Variants in RIT2 observed in about 807,000 individuals in gnomAD.
RIT2 encodes Ras like without CAAX 2.
In RIT2, 24 loss-of-function variants were observed where a neutral mutation model predicts 23.7. The observed-to-expected ratio is 1.01, with a 90% confidence interval of 0.73 to 1.43. The LOEUF (loss-of-function observed/expected upper bound fraction) is 1.43. Ranked by LOEUF, RIT2 falls within the 40% of genes most tolerant of loss-of-function variation. The pLI, the probability that RIT2 is intolerant of heterozygous loss-of-function variation, is 0.00. For missense variants in RIT2, 236 were observed against 266.9 expected (o/e 0.88, Z 0.81); for synonymous variants, 107 against 91.1 (o/e 1.17, Z -0.99).
chr18:43,015,835 A>G (rs754144637), intron 2 of RIT2, among the ~76,000 whole-genome samples: 1 of 151,794 alleles, frequency 6.6e-6, no homozygotes, highest in Non-Finnish European at 1.5e-5. Context: ...TTAGAAGTAG[A>G]GTAAAACATT....
At chr18:43,024,448 T>A (rs1598751521) in intron 2 of RIT2, among the ~76,000 whole-genome samples, 1 of 152,098 alleles carries the variant, frequency 6.6e-6, no homozygotes, top group Non-Finnish European at 1.5e-5. Flanking sequence ...AAAAATATAT[T>A]TTTTAAAAAA....
At chr18:43,093,298 T>C (rs1024986670) in intron 1 of RIT2, among the ~76,000 whole-genome samples, 7 of 152,154 alleles carry the variant, frequency 4.6e-5, no homozygotes, top group African/African-American at 1.7e-4. Context: ...CCTGAGTCTA[T>C]TGGAGTGGGC....
rs147033562 is a variant in RIT2, at chr18:42,859,066, T to C, written c.426+64506A>G. Among the ~76,000 whole-genome samples, 85 of 152,350 alleles carry C rather than the reference T, an allele frequency of 5.6e-4. 1 individual carries two copies. The highest frequency in any genetic ancestry group is 2.0e-3 in the Admixed American group (31 of 15,302). ...TATGGTTTTATTTCTTTTGGGTGTATACTTTTGAGTGGAACTGACAAGTCA... is the reference window on the plus strand; with the variant it reads ...TATGGTTTTATTTCTTTTGGGTGTACACTTTTGAGTGGAACTGACAAGTCA... On this transcript the variant is annotated intron_variant, in intron 4 of 4. Transcript: ENST00000326695.
intron 4 of RIT2, among the ~76,000 whole-genome samples, chr18:42,888,705 T>C (rs1908093913): frequency 6.6e-6 from 1 of 151,920 alleles, no homozygotes; most frequent in African/African-American, 2.4e-5. Context: ...GCAGTACATA[T>C]ACACCATGGA....
At chr18:42,882,308 T>C (rs1398139002) in intron 4 of RIT2, among the ~76,000 whole-genome samples, 2 of 152,202 alleles carry the variant, frequency 1.3e-5, no homozygotes, top group Admixed American at 6.5e-5. Flanking sequence ...GTCTGGATCT[T>C]AGACTGCGTC....
intron 3 of RIT2, among the ~76,000 whole-genome samples, chr18:42,953,278 C>CT (rs1173680536): frequency 6.6e-6 from 1 of 152,076 alleles, no homozygotes; most frequent in Non-Finnish European, 1.5e-5. Context: ...TTAAAATATA[C>CT]TTTTAAAATT....
chr18:42,902,541 T>A (rs1337498447), intron 4 of RIT2, among the ~76,000 whole-genome samples: 1 of 151,484 alleles, frequency 6.6e-6, no homozygotes, highest in African/African-American at 2.4e-5. Context: ...TATTGTTTAA[T>A]CAAGTATTTC....
Position 43,048,808 on chromosome 18 carries a change from A to G in RIT2, c.104-14941T>C, listed in dbSNP as rs116373576. The stretch of plus-strand genomic sequence containing the variant: ...TTGTCCCATCTGTTTGAAATATTAC[A>G]TTTCAATCAACTGGTGTTTCGCTTT... On this transcript the variant is annotated intron_variant, in intron 1 of 4. Transcript: ENST00000326695. 9.0e-3 allele frequency among the ~76,000 whole-genome samples: 1,365 copies of G among 152,186 alleles called. 17 individuals are homozygous for G. The highest frequency in any genetic ancestry group is 0.031 in the African/African-American group (1,289 of 41,522).
intron 2 of RIT2, among the ~76,000 whole-genome samples, chr18:42,994,367 T>C (rs1052387305): frequency 5.9e-5 from 9 of 152,142 alleles, no homozygotes; most frequent in Non-Finnish European, 2.9e-5. Flanking sequence ...CCGACTGATC[T>C]CTCAAACGTC....
intron 1 of RIT2, among the ~76,000 whole-genome samples, chr18:43,072,714 C>A (rs993277276): frequency 6.6e-6 from 1 of 152,148 alleles, no homozygotes; most frequent in Non-Finnish European, 1.5e-5. Flanking sequence ...CTCTGCATTT[C>A]ATCTGCCTGT....
At chr18:43,028,836 T>C (rs1414409096) in intron 2 of RIT2, among the ~76,000 whole-genome samples, 1 of 152,096 alleles carries the variant, frequency 6.6e-6, no homozygotes, top group African/African-American at 2.4e-5. Context: ...AGGAATTTTC[T>C]AGTGACACAA....
At chr18:42,898,559 G>A (rs1328491793) in intron 4 of RIT2, among the ~76,000 whole-genome samples, 3 of 152,114 alleles carry the variant, frequency 2.0e-5, no homozygotes, top group African/African-American at 7.2e-5. Flanking sequence ...AGATAACTTT[G>A]AGTGACAAGC....
intron 3 of RIT2, among the ~76,000 whole-genome samples, chr18:42,954,385 A>C (rs1243995910): frequency 6.6e-6 from 1 of 151,976 alleles, no homozygotes; most frequent in Non-Finnish European, 1.5e-5. Flanking sequence ...AAAAAAAAAA[A>C]AAAAAAAAAC....
At chr18:42,941,599 C>T (rs1350767129) in intron 3 of RIT2, among the ~76,000 whole-genome samples, 1 of 152,058 alleles carries the variant, frequency 6.6e-6, no homozygotes, top group African/African-American at 2.4e-5. Context: ...CCCTACTCCC[C>T]TTATTAAGCA....
chr18:42,887,641 C>T (rs531970523), intron 4 of RIT2, among the ~76,000 whole-genome samples: 9 of 152,098 alleles, frequency 5.9e-5, no homozygotes, highest in Non-Finnish European at 1.0e-4. Flanking sequence ...GTCATGCAAC[C>T]CAGCAATCAA....
chr18:42,838,221 A>G (rs1306832270), intron 4 of RIT2, among the ~76,000 whole-genome samples: 1 of 152,036 alleles, frequency 6.6e-6, no homozygotes, highest in African/African-American at 2.4e-5. Flanking sequence ...TTTTCTTTAT[A>G]TAACTGCATA....
chr18:42,934,550 T>A (rs1321922955), intron 3 of RIT2, among the ~76,000 whole-genome samples: 2 of 152,118 alleles, frequency 1.3e-5, no homozygotes, highest in Non-Finnish European at 2.9e-5. Context: ...TGGATTCACT[T>A]GGGAAGTTAA....
At chr18:42,925,505 C>T (rs181049344) in intron 3 of RIT2, among the ~76,000 whole-genome samples, 1 of 151,904 alleles carries the variant, frequency 6.6e-6, no homozygotes, top group Admixed American at 6.6e-5. Context: ...AATAAAAATG[C>T]AAGCTAAAAT....
chr18:42,876,302 T>C (rs532910709), intron 4 of RIT2, among the ~76,000 whole-genome samples: 52 of 151,802 alleles, frequency 3.4e-4, no homozygotes, highest in Non-Finnish European at 1.0e-4. Flanking sequence ...ATTCAAATAA[T>C]AATCGTACAT....
Sources: gnomAD v4.1 joint callset for allele counts (sites outside exome capture counted in the v4.1 genomes callset) on GRCh38, gnomAD v4.1.1 for gene constraint, MANE v1.5 for transcripts, NCBI Gene and HGNC (gene_info 2026-07-23, HGNC 2026-07-21) for gene names.